Variants in SYT1 observed in about 807,000 individuals in gnomAD.
SYT1 encodes the protein synaptotagmin-1.
A neutral mutation model predicts 44.8 loss-of-function variants in SYT1; 8 were observed. The ratio of observed to expected loss-of-function variants is 0.18; its 90% CI spans 0.10 to 0.32. The LOEUF (loss-of-function observed/expected upper bound fraction) is 0.32, where lower values mean the gene tolerates loss of function less well. SYT1 is among the 10% of genes least tolerant of loss of function. The probability of loss-of-function intolerance (pLI) is 1.00; values close to 1 mark genes in which losing one functional copy is unlikely to be tolerated. For synonymous variants in SYT1, 154 were observed against 188.8 expected (o/e 0.82, Z 1.51); for missense variants, 286 against 509.3 (o/e 0.56, Z 4.22).
rs758911259 is a variant in SYT1, at chr12:79,285,959, G to A, written c.339G>A (p.Thr113=). Residue 113 remains threonine, a synonymous_variant, in exon 5 of 11, where the codon ACG becomes ACA. Coordinates refer to ENST00000261205, the MANE Select transcript of SYT1 (RefSeq NM_005639.3). ...AAGATGTAAAAGACTTAGGGAAGAC[G>A]ATGAAAGATCAGGTAATGTATTCTT... ...NMKDVKDLGK[T]MKDQALKDDD... is the part of the protein sequence containing the mutation. 14 of 1,605,846 alleles carry A rather than the reference G, an allele frequency of 8.7e-6. No individual in the cohort carries two copies. The highest frequency in any genetic ancestry group is 1.1e-5 in the Non-Finnish European group (13 of 1,178,346).
intron 8 of SYT1, among the ~76,000 whole-genome samples, chr12:79,351,627 ATT>A (rs1882908688): frequency 6.6e-6 from 1 of 151,908 alleles, no homozygotes; most frequent in Non-Finnish European, 1.5e-5. Context: ...GTTCAGATAA[ATT>A]TGTCCATATT....
intron 3 of SYT1, among the ~76,000 whole-genome samples, chr12:79,163,173 T>G (rs1250395051): frequency 6.6e-6 from 1 of 152,088 alleles, no homozygotes; most frequent in Non-Finnish European, 1.5e-5. Flanking sequence ...AGGGTGTCAT[T>G]TCAGTAATTT....
At chr12:79,322,908 C>T (rs1199686468) in intron 8 of SYT1, among the ~76,000 whole-genome samples, 1 of 152,142 alleles carries the variant, frequency 6.6e-6, no homozygotes, top group African/African-American at 2.4e-5. Context: ...GAAACGATAT[C>T]TGAAAGAACC....
chr12:79,293,370 TAAAATAAAATAAAATAAAATAAAATAA>T (rs1565894495), intron 6 of SYT1, among the ~76,000 whole-genome samples: 4 of 138,780 alleles, frequency 2.9e-5, no homozygotes, highest in Non-Finnish European at 4.6e-5. Flanking sequence ...TAAAATAAAA[TAAAATAAAATAAAATAAAATAAAATAA>T]AATAAAATAA....
intron 9 of SYT1, among the ~76,000 whole-genome samples, chr12:79,394,723 TC>T (rs1884802995): frequency 6.6e-6 from 1 of 152,196 alleles, no homozygotes; most frequent in East Asian, 1.9e-4. Context: ...CTAGAATTCA[TC>T]AAAAACAGGT....
At chr12:78,965,335 T>C (rs1417180013) in intron 1 of SYT1, among the ~76,000 whole-genome samples, 1 of 152,202 alleles carries the variant, frequency 6.6e-6, no homozygotes, top group Non-Finnish European at 1.5e-5. Flanking sequence ...GCAGCTACTA[T>C]GAGCATAGAA....
At chr12:79,107,982 G>A (rs1184574992) in intron 3 of SYT1, among the ~76,000 whole-genome samples, 1 of 151,974 alleles carries the variant, frequency 6.6e-6, no homozygotes, top group Non-Finnish European at 1.5e-5. Flanking sequence ...TAAATTTAGA[G>A]ATTTAATGCA....
intron 9 of SYT1, among the ~76,000 whole-genome samples, chr12:79,379,670 T>C (rs545198789): frequency 6.6e-6 from 1 of 152,334 alleles, no homozygotes; most frequent in African/African-American, 2.4e-5. Flanking sequence ...GTAGTAATCG[T>C]GTATATGTTT....
At chr12:79,052,288 A>G (rs1874562011) in intron 3 of SYT1, among the ~76,000 whole-genome samples, 1 of 152,134 alleles carries the variant, frequency 6.6e-6, no homozygotes, top group Non-Finnish European at 1.5e-5. Context: ...GGTGCTGGGA[A>G]AACTGGCTAG....
At chr12:79,390,014 T>A (rs971171888) in intron 9 of SYT1, among the ~76,000 whole-genome samples, 5 of 151,838 alleles carry the variant, frequency 3.3e-5, no homozygotes, top group Non-Finnish European at 7.4e-5. Flanking sequence ...CTCACTGCAA[T>A]TTCTGCCTCC....
chr12:79,342,066 G>A (rs1433343836), intron 8 of SYT1, among the ~76,000 whole-genome samples: 1 of 152,138 alleles, frequency 6.6e-6, no homozygotes, highest in Non-Finnish European at 1.5e-5. Flanking sequence ...TATAAAGAAG[G>A]CTTTCCCCTT....
chr12:79,340,512 T>C (rs11113804), intron 8 of SYT1, among the ~76,000 whole-genome samples: 9,052 of 151,578 alleles, frequency 0.06, 610 homozygotes, highest in African/African-American at 0.17. Context: ...ATTTTGCATA[T>C]TGATTTTGTA....
intron 3 of SYT1, among the ~76,000 whole-genome samples, chr12:79,146,856 T>C (rs1869946603): frequency 6.6e-6 from 1 of 152,198 alleles, no homozygotes; most frequent in African/African-American, 2.4e-5. Flanking sequence ...ACTACTTTTT[T>C]TTGAGATGGA....
At chr12:78,931,283 G>T (rs1317899358) in intron 1 of SYT1, among the ~76,000 whole-genome samples, 9 of 91,018 alleles carry the variant, frequency 9.9e-5, no homozygotes, top group African/African-American at 2.2e-4. Context: ...AGGAAGGAAG[G>T]AAGGAAGGAA....
At chr12:79,067,910 T>C (rs1020126959) in intron 3 of SYT1, among the ~76,000 whole-genome samples, 2 of 152,212 alleles carry the variant, frequency 1.3e-5, no homozygotes, top group African/African-American at 4.8e-5. Flanking sequence ...AGAACATATA[T>C]GTGCTGCTGC....
intron 2 of SYT1, among the ~76,000 whole-genome samples, chr12:79,043,850 T>C (rs1453064226): frequency 6.6e-6 from 1 of 152,170 alleles, no homozygotes; most frequent in Non-Finnish European, 1.5e-5. Flanking sequence ...AGCATTTGCT[T>C]GTCTGTAAAG....
chr12:78,890,382 C>T (rs982093944), intron 1 of SYT1, among the ~76,000 whole-genome samples: 3 of 151,704 alleles, frequency 2.0e-5, no homozygotes, highest in Non-Finnish European at 2.9e-5. Flanking sequence ...CACACTGGGG[C>T]CTGTCGTGGG....
chr12:79,019,366 A>G (rs1872032381), intron 2 of SYT1, among the ~76,000 whole-genome samples: 1 of 152,044 alleles, frequency 6.6e-6, no homozygotes, highest in South Asian at 2.1e-4. Context: ...TCATGAGATA[A>G]CTAGTTTGAA....
At chr12:79,171,321 T>A (rs1023815429) in intron 3 of SYT1, among the ~76,000 whole-genome samples, 1 of 152,104 alleles carries the variant, frequency 6.6e-6, no homozygotes, top group Admixed American at 6.6e-5. Context: ...TTCCTCTCCA[T>A]GAGCATGGAA....
Sources: gnomAD v4.1 joint callset for allele counts (sites outside exome capture counted in the v4.1 genomes callset) on GRCh38, gnomAD v4.1.1 for gene constraint, MANE v1.5 for transcripts, NCBI Gene and HGNC (gene_info 2026-07-23, HGNC 2026-07-21) for gene names.